EPHA6: variants seen among roughly 807,000 people sequenced by gnomAD.
EPHA6 encodes the protein ephrin type-A receptor 6.
EPHA6 carries 50 observed loss-of-function variants against 112.0 expected under a neutral mutation model. That is an observed-to-expected ratio of 0.45 (90% confidence interval 0.36 to 0.56). The LOEUF (loss-of-function observed/expected upper bound fraction) is 0.56, where lower values mean the gene tolerates loss of function less well. Ranked by LOEUF, EPHA6 falls within the 20% of genes least tolerant of loss-of-function variation. EPHA6 has a pLI of 0.00. For synonymous variants in EPHA6, 529 were observed against 490.7 expected, an observed-to-expected ratio of 1.08 and a Z score of -1.03; for missense variants, 1,280 against 1,417.4, an observed-to-expected ratio of 0.90 and a Z score of 1.56.
intron 3 of EPHA6, among the ~76,000 whole-genome samples, chr3:97,098,376 T>C (rs1576483953): frequency 6.6e-6 from 1 of 152,076 alleles, no homozygotes; most frequent in East Asian, 1.9e-4. Flanking sequence ...TTAAATTTAA[T>C]TTAACTTTTG....
At chr3:97,220,475 A>G (rs1412846185) in intron 3 of EPHA6, among the ~76,000 whole-genome samples, 3 of 152,194 alleles carry the variant, frequency 2.0e-5, no homozygotes, top group Non-Finnish European at 4.4e-5. Context: ...GGTTTAATTG[A>G]CCACCAGTTT....
chr3:97,599,199 TC>T (rs2093621971), intron 12 of EPHA6, among the ~76,000 whole-genome samples: 1 of 150,630 alleles, frequency 6.6e-6, no homozygotes, highest in African/African-American at 2.4e-5. Flanking sequence ...GCGAAAATTT[TC>T]TCCCATTTTG....
chr3:97,301,888 A>G (rs2081107460), intron 5 of EPHA6, among the ~76,000 whole-genome samples: 1 of 152,096 alleles, frequency 6.6e-6, no homozygotes, highest in Non-Finnish European at 1.5e-5. Context: ...ATTGAGCAAC[A>G]CATAGCTTAT....
intron 1 of EPHA6, among the ~76,000 whole-genome samples, chr3:96,823,611 G>T (rs982695532): frequency 6.6e-6 from 1 of 151,662 alleles, no homozygotes; most frequent in South Asian, 2.1e-4. Flanking sequence ...AGAAATAGTC[G>T]AGCAGCAGAT....
intron 2 of EPHA6, among the ~76,000 whole-genome samples, chr3:96,932,515 A>G (rs1174714558): frequency 6.6e-6 from 1 of 152,262 alleles, no homozygotes; most frequent in Non-Finnish European, 1.5e-5. Context: ...CATACAAATT[A>G]GAAATAATGA....
At chr3:97,690,027 C>T (rs1305607862) in intron 14 of EPHA6, among the ~76,000 whole-genome samples, 1 of 152,182 alleles carries the variant, frequency 6.6e-6, no homozygotes, top group Non-Finnish European at 1.5e-5. Context: ...TTTATTCATT[C>T]ATCAGTGATG....
intron 2 of EPHA6, among the ~76,000 whole-genome samples, chr3:96,930,126 A>G (rs1218700212): frequency 6.6e-6 from 1 of 152,152 alleles, no homozygotes; most frequent in Non-Finnish European, 1.5e-5. Context: ...GTATTGTTTC[A>G]TCATAATTCT....
chr3:97,593,262 A>G (rs1182500103), intron 12 of EPHA6, among the ~76,000 whole-genome samples: 1 of 152,238 alleles, frequency 6.6e-6, no homozygotes, highest in South Asian at 2.1e-4. Flanking sequence ...ATCTGACCAA[A>G]GCCATATTTT....
At chr3:96,974,959 AT>A (rs1305831572) in intron 2 of EPHA6, among the ~76,000 whole-genome samples, 1 of 152,166 alleles carries the variant, frequency 6.6e-6, no homozygotes, top group Non-Finnish European at 1.5e-5. Context: ...GGGTCAGTGC[AT>A]GCCATTCAGG....
At chr3:97,003,253 G>A (rs373736699) in intron 3 of EPHA6, among the ~76,000 whole-genome samples, 132 of 152,134 alleles carry the variant, frequency 8.7e-4, no homozygotes, top group African/African-American at 3.1e-3. Flanking sequence ...GATTACAGGC[G>A]CACACCACCA....
intron 11 of EPHA6, among the ~76,000 whole-genome samples, chr3:97,547,958 C>T (rs141758174): frequency 0.014 from 2,114 of 147,366 alleles, 53 homozygotes; most frequent in African/African-American, 0.05. Flanking sequence ...TTCCAGGTGC[C>T]GTTTGTCACC....
At chr3:97,435,715 C>T (rs1265239186) in intron 6 of EPHA6, among the ~76,000 whole-genome samples, 4 of 152,158 alleles carry the variant, frequency 2.6e-5, no homozygotes, top group African/African-American at 9.7e-5. Context: ...TTATCTTTTA[C>T]TCTAAATTTA....
chr3:96,908,129 G>C (rs1271269625), intron 2 of EPHA6, among the ~76,000 whole-genome samples: 2 of 151,800 alleles, frequency 1.3e-5, no homozygotes, highest in Non-Finnish European at 2.9e-5. Context: ...ACATAGAAAG[G>C]GTACACTAAG....
chr3:97,120,130 G>A (rs2048000881), intron 3 of EPHA6, among the ~76,000 whole-genome samples: 1 of 151,900 alleles, frequency 6.6e-6, no homozygotes, highest in African/African-American at 2.4e-5. Context: ...CTAGGTCAAT[G>A]TATCTCTTTG....
At chr3:97,674,253 C>A (rs1015693947) in intron 14 of EPHA6, among the ~76,000 whole-genome samples, 1 of 152,106 alleles carries the variant, frequency 6.6e-6, no homozygotes, top group Non-Finnish European at 1.5e-5. Context: ...TTCTACTACC[C>A]ACCTAAGGAT....
At chr3:97,340,972 A>C (rs1330034031) in intron 5 of EPHA6, among the ~76,000 whole-genome samples, 1 of 152,162 alleles carries the variant, frequency 6.6e-6, no homozygotes, top group East Asian at 1.9e-4. Context: ...CCTTACTCAC[A>C]TTCCTTTTAA....
At chr3:97,139,782 T>C (rs1166198365) in intron 3 of EPHA6, among the ~76,000 whole-genome samples, 2 of 152,194 alleles carry the variant, frequency 1.3e-5, no homozygotes, top group Non-Finnish European at 2.9e-5. Context: ...AAAATCAGTG[T>C]TGCGACACCC....
intron 11 of EPHA6, among the ~76,000 whole-genome samples, chr3:97,586,619 AAAGT>A (rs1231811023): frequency 2.6e-5 from 4 of 152,182 alleles, no homozygotes; most frequent in African/African-American, 9.6e-5. Context: ...ACAGTCTGAC[AAAGT>A]AAGGATAAAT....
chr3:97,230,328 A>G (rs1437312101), intron 4 of EPHA6, among the ~76,000 whole-genome samples: 7 of 152,172 alleles, frequency 4.6e-5, no homozygotes, highest in Admixed American at 2.0e-4. Flanking sequence ...ATGGGCTACA[A>G]CAAGGTCTAT....
Sources: gnomAD v4.1 joint callset for allele counts (sites outside exome capture counted in the v4.1 genomes callset) on GRCh38, gnomAD v4.1.1 for gene constraint, MANE v1.5 for transcripts, NCBI Gene and HGNC (gene_info 2026-07-23, HGNC 2026-07-21) for gene names.